The following DLGAP2 variants were observed in gnomAD, a reference collection of about 807,000 sequenced individuals.
The protein encoded by DLGAP2 is DLG associated protein 2.
Under a neutral mutation model 100.3 loss-of-function variants are expected in DLGAP2, and 26 were observed. The observed-to-expected ratio is 0.26, with a 90% CI of 0.19 to 0.36. The LOEUF is 0.36. DLGAP2 is among the 10% of genes least tolerant of loss of function. The probability of loss-of-function intolerance (pLI) is 1.00; values close to 1 mark genes in which losing one functional copy is unlikely to be tolerated. For missense variants in DLGAP2, 1,858 were observed against 1,453.2 expected (o/e 1.28, Z -4.53); for synonymous variants, 886 against 630.1 (o/e 1.41, Z -6.08).
At position 1,210,221 on chromosome 8, in the gene DLGAP2, G is replaced by C. The variant is rs532880923; in HGVS notation, c.74-48630G>C. Reference sequence around the variant, plus strand: ...ATGTGACAAGGGTCCCATCCGTCCAGGGCTCAGGTGACCTTCCTGGAGAGG... The same window carrying C: ...ATGTGACAAGGGTCCCATCCGTCCACGGCTCAGGTGACCTTCCTGGAGAGG... On this transcript the variant is annotated intron_variant, in intron 2 of 14. Transcript: ENST00000637795. Among the ~76,000 whole-genome samples, 86 of 152,270 alleles carry C rather than the reference G, an allele frequency of 5.6e-4. 1 individual carries two copies. The highest frequency in any genetic ancestry group is 1.5e-4 in the Non-Finnish European group (10 of 68,020).
intron 2 of DLGAP2, among the ~76,000 whole-genome samples, chr8:1,156,906 C>A (rs903127399): frequency 7.9e-5 from 12 of 152,146 alleles, no homozygotes; most frequent in Non-Finnish European, 4.4e-5. Flanking sequence ...AAGGCCCTGC[C>A]GTCCACTCAG....
chr8:1,428,776 C>T (rs983769565), intron 3 of DLGAP2, among the ~76,000 whole-genome samples: 4 of 152,176 alleles, frequency 2.6e-5, no homozygotes, highest in Non-Finnish European at 5.9e-5. Context: ...GGCCATGTGG[C>T]TCATATCAGT....
At chr8:942,251 G>C (rs1010759278) in intron 2 of DLGAP2, among the ~76,000 whole-genome samples, 1 of 152,174 alleles carries the variant, frequency 6.6e-6, no homozygotes, top group Non-Finnish European at 1.5e-5. Context: ...GCCCAGCCCT[G>C]AGCATTTCTG....
At chr8:1,216,294 A>T (rs1047331566) in intron 2 of DLGAP2, among the ~76,000 whole-genome samples, 1 of 152,118 alleles carries the variant, frequency 6.6e-6, no homozygotes, top group Admixed American at 6.5e-5. Flanking sequence ...AACTTCATAC[A>T]GGGGCTCTGA....
At chr8:1,544,819 G>A (rs754703263) in intron 4 of DLGAP2, among the ~76,000 whole-genome samples, 46 of 150,640 alleles carry the variant, frequency 3.1e-4, no homozygotes, top group Admixed American at 6.6e-5. Flanking sequence ...TGCAACTTCT[G>A]CCTCCCGGGT....
chr8:1,546,202 G>A (rs868600286), intron 4 of DLGAP2, among the ~76,000 whole-genome samples: 1 of 152,206 alleles, frequency 6.6e-6, no homozygotes, highest in Non-Finnish European at 1.5e-5. Flanking sequence ...GTGAGACAGC[G>A]TAGGCACCTG....
chr8:1,205,224 G>A (rs1797964521), intron 2 of DLGAP2, among the ~76,000 whole-genome samples: 1 of 152,198 alleles, frequency 6.6e-6, no homozygotes, highest in African/African-American at 2.4e-5. Context: ...AGGTTAAGAA[G>A]TCAATGCTCT....
At chr8:996,478 A>T (rs975696236) in intron 2 of DLGAP2, among the ~76,000 whole-genome samples, 4 of 152,154 alleles carry the variant, frequency 2.6e-5, no homozygotes, top group Non-Finnish European at 4.4e-5. Context: ...ACATTGTGTT[A>T]GGGTGGAGTG....
chr8:1,011,757 G>C (rs117682819), intron 2 of DLGAP2, among the ~76,000 whole-genome samples: 1 of 75,288 alleles, frequency 1.3e-5, no homozygotes, highest in Non-Finnish European at 3.0e-5. Flanking sequence ...CTGCACAGTG[G>C]GCCCTGGAAT....
At chr8:930,779 C>A (rs1798938971) in intron 2 of DLGAP2, among the ~76,000 whole-genome samples, 1 of 152,188 alleles carries the variant, frequency 6.6e-6, no homozygotes, top group Non-Finnish European at 1.5e-5. Context: ...TGTGCCAGGC[C>A]GTGGTGCAGA....
At chr8:1,693,072 CATAT>C (rs565837114) in intron 13 of DLGAP2, among the ~76,000 whole-genome samples, 1 of 147,454 alleles carries the variant, frequency 6.8e-6, no homozygotes, top group Non-Finnish European at 1.5e-5. Flanking sequence ...TATATATAAA[CATAT>C]ATATTAACAT....
intron 2 of DLGAP2, among the ~76,000 whole-genome samples, chr8:993,787 C>CTT (rs534659471): frequency 6.2e-5 from 4 of 64,152 alleles, no homozygotes; most frequent in African/African-American, 6.4e-5. Context: ...AACTGATTGG[C>CTT]TTTTTTTTTT....
At chr8:1,663,439 G>A (rs1354471167) in intron 8 of DLGAP2, among the ~76,000 whole-genome samples, 4 of 152,074 alleles carry the variant, frequency 2.6e-5, no homozygotes, top group African/African-American at 4.8e-5. Flanking sequence ...GCTTATCTCC[G>A]CTTCGTGGGA....
At chr8:1,181,704 C>T (rs572005870) in intron 2 of DLGAP2, among the ~76,000 whole-genome samples, 3 of 152,136 alleles carry the variant, frequency 2.0e-5, no homozygotes, top group Non-Finnish European at 4.4e-5. Context: ...AAGAAATGAA[C>T]AAACGATGGG....
At chr8:1,381,716 C>T in intron 3 of DLGAP2, among the ~76,000 whole-genome samples, 1 of 152,090 alleles carries the variant, frequency 6.6e-6, no homozygotes, top group East Asian at 1.9e-4. Flanking sequence ...GCATCATGTC[C>T]TCCAGCTCCA....
intron 3 of DLGAP2, among the ~76,000 whole-genome samples, chr8:1,485,845 C>CGA (rs1799223052): frequency 6.6e-6 from 1 of 151,986 alleles, no homozygotes; most frequent in South Asian, 2.1e-4. Context: ...GCCAACATGG[C>CGA]GAAACCCCAT....
At position 1,023,855 on chromosome 8, in the gene DLGAP2, A is replaced by ATGTGTGTGTGTG. The variant is rs1192338772; in HGVS notation, c.73+115890_73+115891insGTGTGTGTGTGT. ...CCGTCTGCAAGTGCTCAAACTTTAT[A>ATGTGTGTGTGTG]TATGTGTGTGTGTGTGTGTGTGTGT... On this transcript the variant is annotated intron_variant, in intron 2 of 14. Coordinates refer to ENST00000637795, the MANE Select transcript of DLGAP2 (RefSeq NM_001346810.2). Among the ~76,000 whole-genome samples the ATGTGTGTGTGTG allele has an allele frequency of 1.5e-3, 92 of 59,376 alleles. 2 individuals carry two copies. The highest frequency in any genetic ancestry group is 4.5e-3 in the East Asian group (10 of 2,242). 39.0% of individuals were successfully genotyped at this position (59,376 alleles called of 152,430 possible).
At chr8:1,043,163 CGTGGGTGGTGGGT>C (rs774062840) in intron 2 of DLGAP2, among the ~76,000 whole-genome samples, 4,830 of 57,336 alleles carry the variant, frequency 0.084, 183 homozygotes, top group Middle Eastern at 0.23. Context: ...GGGTGGTGGA[CGTGGGTGGTGGGT>C]GTGGGTGGTG....
chr8:1,495,358 G>C lies in DLGAP2; in HGVS notation c.107-6008G>C, dbSNP rs553699136. 9.8e-5 allele frequency among the ~76,000 whole-genome samples: 15 copies of C among 152,322 alleles called. No individual in the cohort carries two copies. In the East Asian group the frequency reaches 2.7e-3, roughly 27 times the overall value. ...TCCAGGACAAGGAGAGGCAGCCGAGGACGTTTACTGTCCCGTGTTACCCGG... is the reference window on the plus strand; with the variant it reads ...TCCAGGACAAGGAGAGGCAGCCGAGCACGTTTACTGTCCCGTGTTACCCGG... On this transcript the variant is annotated intron_variant, in intron 3 of 14. Transcript: ENST00000637795.
Sources: gnomAD v4.1 joint callset for allele counts (sites outside exome capture counted in the v4.1 genomes callset) on GRCh38, gnomAD v4.1.1 for gene constraint, MANE v1.5 for transcripts, NCBI Gene and HGNC (gene_info 2026-07-23, HGNC 2026-07-21) for gene names.